SORL1: variants seen among roughly 807,000 people sequenced by gnomAD.
The protein encoded by SORL1 is sortilin related receptor 1.
Under a neutral mutation model 273.7 loss-of-function variants are expected in SORL1, and 127 were observed. The observed-to-expected ratio is 0.46, with a 90% CI of 0.40 to 0.54. SORL1 has a LOEUF of 0.54. Among genes scored for constraint, SORL1 ranks in the 20% least tolerant of loss-of-function variants. The pLI, the probability that SORL1 is intolerant of heterozygous loss-of-function variation, is 0.00. For missense variants in SORL1, 2,494 were observed against 2,846.1 expected (o/e 0.88, Z 2.81); for synonymous variants, 1,031 against 1,067.4 (o/e 0.97, Z 0.66).
chr11:121,609,598 A>G (rs1449956090), intron 38 of SORL1: 2 of 152,272 alleles, frequency 1.3e-5, no homozygotes, highest in East Asian at 1.9e-4. Flanking sequence ...TATTTGGGCT[A>G]GGATTTGTAC....
chr11:121,572,305 G>C (rs761176025), intron 23 of SORL1, among the ~76,000 whole-genome samples: 3 of 152,202 alleles, frequency 2.0e-5, no homozygotes, highest in Non-Finnish European at 4.4e-5. Flanking sequence ...CAGCCCCTGA[G>C]CTCTGTTGCA....
intron 45 of SORL1, among the ~76,000 whole-genome samples, chr11:121,623,313 G>A (rs1397457136): frequency 1.3e-5 from 2 of 152,220 alleles, no homozygotes; most frequent in African/African-American, 4.8e-5. Flanking sequence ...AGTTGGGGAA[G>A]TAAACGTTCT....
rs900920889 is a variant in SORL1 at position 121,631,790 on chromosome 11, C to A, written c.*2227C>A. ...CACTGTGCTGTTTGAAAAAAAGCAG[C>A]CTTTTAGGGCTAGAGTATTTTATAT... On this transcript the variant is annotated 3_prime_UTR_variant, in exon 48 of 48. Coordinates refer to ENST00000260197, the MANE Select transcript of SORL1 (RefSeq NM_003105.6). 1.3e-5 allele frequency: 2 copies of A among 152,140 alleles called. No homozygotes were observed. Among genetic ancestry groups the A allele is most frequent in the South Asian group, 2.1e-4 (1 of 4,820 alleles). The allele number at this position is 152,140 out of a possible 1,614,324, so 9.4% of individuals were successfully genotyped here.
chr11:121,599,334 C>T (rs377356292), intron 32 of SORL1, among the ~76,000 whole-genome samples: 14 of 152,184 alleles, frequency 9.2e-5, no homozygotes, highest in East Asian at 1.9e-4. Context: ...CACCTGAGGT[C>T]GGGAGTTTGA....
intron 6 of SORL1, among the ~76,000 whole-genome samples, chr11:121,504,305 G>A (rs1226556240): frequency 2.0e-5 from 3 of 152,094 alleles, no homozygotes; most frequent in Non-Finnish European, 4.4e-5. Flanking sequence ...CTAGCTACTC[G>A]GGAGACTGAG....
chr11:121,596,556 C>T lies in SORL1; in HGVS notation c.4519+784C>T, dbSNP rs1324683097. On this transcript the variant is annotated intron_variant, in intron 32 of 47. Transcript: ENST00000260197. The surrounding 1 kb of genome is among the most constrained non-coding windows in gnomAD (Gnocchi z 4.3). ...TGCAGCCCCCCACCGGCCTGCCTCT[C>T]TGACGGTTGGGTGCTGCTCTGGCTC... Among the ~76,000 whole-genome samples the T allele has an allele frequency of 2.0e-5, 3 of 152,226 alleles. No homozygotes were observed. The highest frequency in any genetic ancestry group is 7.2e-5 in the African/African-American group (3 of 41,468).
chr11:121,479,818 G>C (rs1411920702), intron 3 of SORL1, among the ~76,000 whole-genome samples: 1 of 152,184 alleles, frequency 6.6e-6, no homozygotes, highest in African/African-American at 2.4e-5. Flanking sequence ...GATGATCTCA[G>C]AGTGGAGTGG....
chr11:121,486,310 T>C (rs1275325640), intron 3 of SORL1, among the ~76,000 whole-genome samples: 1 of 152,130 alleles, frequency 6.6e-6, no homozygotes, highest in African/African-American at 2.4e-5. Context: ...TCATCTGTGC[T>C]TCCCAGCCTT....
chr11:121,590,020 G>A lies in SORL1; in HGVS notation c.4079-20G>A. Reference sequence around the variant, plus strand: ...CACTGATGCAGGGAAAGCAACTGATGATGTGGTTGATCTCTGCAGAAAACC... The same window carrying A: ...CACTGATGCAGGGAAAGCAACTGATAATGTGGTTGATCTCTGCAGAAAACC... On this transcript the variant is annotated intron_variant, in intron 29 of 47. Coordinates refer to ENST00000260197, the MANE Select transcript of SORL1 (RefSeq NM_003105.6). 1 of 1,613,020 alleles carries A rather than the reference G, an allele frequency of 6.2e-7. No individual in the cohort carries two copies. The highest frequency in any genetic ancestry group is 8.5e-7 in the Non-Finnish European group (1 of 1,179,334).
intron 18 of SORL1, among the ~76,000 whole-genome samples, chr11:121,556,498 C>G (rs1379828353): frequency 6.6e-6 from 1 of 152,130 alleles, no homozygotes; most frequent in African/African-American, 2.4e-5. Context: ...TATGTTATTG[C>G]TCTTTCTCTC....
At chr11:121,486,488 T>C (rs999403158) in intron 3 of SORL1, among the ~76,000 whole-genome samples, 7 of 150,684 alleles carry the variant, frequency 4.6e-5, no homozygotes, top group Non-Finnish European at 7.4e-5. Flanking sequence ...TTCTTTTTTT[T>C]TTTTTTTTTG....
At chr11:121,515,343 A>G (rs193104915) in intron 8 of SORL1, among the ~76,000 whole-genome samples, 1 of 152,320 alleles carries the variant, frequency 6.6e-6, no homozygotes, top group East Asian at 1.9e-4. Context: ...GGGATTTGCA[A>G]CGGTGTTCTT....
At chr11:121,588,277 C>A in intron 28 of SORL1, 126 bp downstream of exon 28, 1 of 1,049,954 alleles carries the variant, frequency 9.5e-7, no homozygotes, top group Non-Finnish European at 1.4e-6. Context: ...GAGGGTTTGA[C>A]CACCCTGGAG....
intron 6 of SORL1, among the ~76,000 whole-genome samples, chr11:121,507,615 T>A (rs1157624045): frequency 6.6e-6 from 1 of 152,128 alleles, no homozygotes; most frequent in African/African-American, 2.4e-5. Context: ...TGCTTGTTTT[T>A]AAAAAATATT....
intron 12 of SORL1, among the ~76,000 whole-genome samples, chr11:121,542,192 T>C (rs1298065085): frequency 6.6e-6 from 1 of 152,202 alleles, no homozygotes; most frequent in African/African-American, 2.4e-5. Flanking sequence ...CATTTTCCTA[T>C]ATAATCACAA....
At chr11:121,504,498 T>C (rs539913392) in intron 6 of SORL1, among the ~76,000 whole-genome samples, 13 of 151,504 alleles carry the variant, frequency 8.6e-5, no homozygotes, top group East Asian at 1.9e-4. Flanking sequence ...TCATTGCTAA[T>C]ATATAGAACA....
At chr11:121,549,639 C>T (rs1862479220) in intron 14 of SORL1, among the ~76,000 whole-genome samples, 1 of 151,330 alleles carries the variant, frequency 6.6e-6, no homozygotes, top group Non-Finnish European at 1.5e-5. Context: ...TGCCTAATCC[C>T]TTTTAACAGA....
chr11:121,577,239 A>G, intron 24 of SORL1, 42 bp from the exon 25 acceptor site: 1 of 1,545,480 alleles, frequency 6.5e-7, no homozygotes, highest in Non-Finnish European at 8.7e-7. Flanking sequence ...AATTCTGAAC[A>G]AGCTTTTGTC....
intron 6 of SORL1, among the ~76,000 whole-genome samples, chr11:121,503,313 C>T (rs978031863): frequency 6.6e-6 from 1 of 151,858 alleles, no homozygotes; most frequent in Non-Finnish European, 1.5e-5. Flanking sequence ...TTAGTTCTTA[C>T]AGTCTATGAT....
Sources: allele counts gnomAD v4.1 joint callset (sites outside exome capture counted in the v4.1 genomes callset), GRCh38; gene constraint gnomAD v4.1.1; non-coding constraint Gnocchi (gnomAD v3.1); transcripts MANE v1.5; gene names NCBI Gene and HGNC (gene_info 2026-07-23, HGNC 2026-07-21).